The following GREB1L variants were observed in gnomAD, a reference collection of about 807,000 sequenced individuals.
The protein encoded by GREB1L is GREB1-like protein.
GREB1L carries 17 observed loss-of-function variants against 200.8 expected under a neutral mutation model. That is an observed-to-expected ratio of 0.08 (90% CI 0.06 to 0.13). The LOEUF is 0.13. GREB1L is among the 10% of genes least tolerant of loss of function. The pLI is 1.00. For synonymous variants in GREB1L, 789 were observed against 893.0 expected (o/e 0.88, Z 2.08); for missense variants, 1,657 against 2,367.7 (o/e 0.70, Z 6.23).
intron 1 of GREB1L, among the ~76,000 whole-genome samples, chr18:21,275,288 A>T (rs1339145376): frequency 6.6e-6 from 1 of 152,100 alleles, no homozygotes; most frequent in Non-Finnish European, 1.5e-5. Flanking sequence ...GGAAGGAGAG[A>T]AACTAAACTA....
chr18:21,425,031 C>T (rs1037922216), intron 7 of GREB1L, among the ~76,000 whole-genome samples: 3 of 152,100 alleles, frequency 2.0e-5, no homozygotes, highest in Admixed American at 6.5e-5. Flanking sequence ...TATGGATAAA[C>T]ATATGATACA....
intron 1 of GREB1L, among the ~76,000 whole-genome samples, chr18:21,339,946 C>T (rs868006627): frequency 6.6e-6 from 1 of 152,186 alleles, no homozygotes; most frequent in Non-Finnish European, 1.5e-5. Flanking sequence ...GTCCACCTCA[C>T]CTCTCTGGCA....
chr18:21,334,370 T>G (rs1460773984), intron 1 of GREB1L, among the ~76,000 whole-genome samples: 1 of 152,076 alleles, frequency 6.6e-6, no homozygotes, highest in African/African-American at 2.4e-5. Flanking sequence ...CCAGTTTGAG[T>G]TTTTTGAAGA....
At chr18:21,389,068 G>A (rs2040675379) in intron 4 of GREB1L, among the ~76,000 whole-genome samples, 1 of 152,052 alleles carries the variant, frequency 6.6e-6, no homozygotes, top group African/African-American at 2.4e-5. Context: ...TCACACTGAA[G>A]GAGCAGGGAG....
chr18:21,508,329 G>A (rs1474997097), intron 26 of GREB1L, 50 bp downstream of exon 26: 129 of 1,550,056 alleles, frequency 8.3e-5, no homozygotes, highest in East Asian at 7.6e-4. Context: ...TTCTTTAAGC[G>A]TCTTCAATCT....
chr18:21,260,991 A>T (rs1174831534), intron 1 of GREB1L, among the ~76,000 whole-genome samples: 1 of 151,966 alleles, frequency 6.6e-6, no homozygotes, highest in Non-Finnish European at 1.5e-5. Flanking sequence ...CTAGTATGAT[A>T]CTGAGTATTA....
At chr18:21,264,878 C>T (rs2037942966) in intron 1 of GREB1L, among the ~76,000 whole-genome samples, 1 of 152,116 alleles carries the variant, frequency 6.6e-6, no homozygotes, top group African/African-American at 2.4e-5. Flanking sequence ...GTTTCAAAGT[C>T]CAAGGACCTG....
Position 21,431,277 on chromosome 18 carries a change from G to A in GREB1L, c.833-8244G>A, listed in dbSNP as rs190579844. Among the ~76,000 whole-genome samples, 5 of 152,078 alleles carry A rather than the reference G, an allele frequency of 3.3e-5. No homozygotes were observed. The East Asian group carries it at 5.8e-4, about 18-fold the overall frequency. ...TGACCTCAAGTGATCCGCCTGCCTC[G>A]GTCTCCCAAAGTGTTGGAATTACAG... On this transcript the variant is annotated intron_variant, in intron 7 of 32. Coordinates refer to ENST00000424526, the MANE Select transcript of GREB1L (RefSeq NM_001142966.3).
At chr18:21,444,182 AAAG>A in intron 10 of GREB1L, 39 bp from the exon 11 acceptor site, 1 of 1,425,158 alleles carries the variant, frequency 7.0e-7, no homozygotes. Flanking sequence ...TGGACCATAA[AAAG>A]AAATGTTGAA....
At chr18:21,520,127 G>A (rs904295929) in intron 31 of GREB1L, among the ~76,000 whole-genome samples, 2 of 152,028 alleles carry the variant, frequency 1.3e-5, no homozygotes, top group African/African-American at 4.8e-5. Context: ...TTTTACTAGA[G>A]ATGGAATTTT....
At chr18:21,343,767 G>A (rs1237351967) in intron 1 of GREB1L, among the ~76,000 whole-genome samples, 3 of 132,382 alleles carry the variant, frequency 2.3e-5, no homozygotes, top group Non-Finnish European at 4.6e-5. Flanking sequence ...ACAGAGTCTC[G>A]CTCTGTCACC....
chr18:21,379,530 G>A (rs2040218673), intron 2 of GREB1L, among the ~76,000 whole-genome samples: 1 of 152,200 alleles, frequency 6.6e-6, no homozygotes, highest in Non-Finnish European at 1.5e-5. Flanking sequence ...AATGATGAAA[G>A]GAAGATAACT....
intron 1 of GREB1L, among the ~76,000 whole-genome samples, chr18:21,247,738 A>G (rs2037631144): frequency 1.3e-5 from 2 of 152,250 alleles, no homozygotes; most frequent in African/African-American, 4.8e-5. Flanking sequence ...AGAAAAAAGG[A>G]TCTACAAATT....
At chr18:21,429,788 T>C (rs532678876) in intron 7 of GREB1L, among the ~76,000 whole-genome samples, 14 of 152,218 alleles carry the variant, frequency 9.2e-5, no homozygotes, top group Non-Finnish European at 1.8e-4. Context: ...TAAGAATTTG[T>C]CAATTTCAAA....
At chr18:21,252,002 G>A (rs1335430193) in intron 1 of GREB1L, among the ~76,000 whole-genome samples, 1 of 150,206 alleles carries the variant, frequency 6.7e-6, no homozygotes. Context: ...CTTATAAAAT[G>A]GTAATAAAAT....
intron 1 of GREB1L, among the ~76,000 whole-genome samples, chr18:21,302,072 A>G (rs1036412282): frequency 6.6e-6 from 1 of 152,218 alleles, no homozygotes; most frequent in Non-Finnish European, 1.5e-5. Flanking sequence ...GAACATTGAT[A>G]GCCTTTTACT....
At chr18:21,277,308 C>T (rs1325301739) in intron 1 of GREB1L, among the ~76,000 whole-genome samples, 1 of 152,172 alleles carries the variant, frequency 6.6e-6, no homozygotes, top group Admixed American at 6.5e-5. Context: ...CTGTGAGGCT[C>T]GTGCAGGTGC....
intron 5 of GREB1L, among the ~76,000 whole-genome samples, chr18:21,398,290 T>C (rs940400177): frequency 1.3e-5 from 2 of 152,198 alleles, no homozygotes; most frequent in African/African-American, 4.8e-5. Flanking sequence ...AGATTGCTCA[T>C]GCATATAATG....
chr18:21,368,986 A>C (rs531411283), intron 2 of GREB1L, among the ~76,000 whole-genome samples: 5 of 152,218 alleles, frequency 3.3e-5, no homozygotes, highest in Admixed American at 1.3e-4. Context: ...AAATGGGGCT[A>C]GGTAAATAAG....
Sources: allele counts gnomAD v4.1 joint callset (sites outside exome capture counted in the v4.1 genomes callset), GRCh38; gene constraint gnomAD v4.1.1; transcripts MANE v1.5; gene names NCBI Gene and HGNC (gene_info 2026-07-23, HGNC 2026-07-21).